The following PTPRD variants were observed in gnomAD, a reference collection of about 807,000 sequenced individuals.
PTPRD encodes the protein receptor-type tyrosine-protein phosphatase delta.
In PTPRD, 34 loss-of-function variants were observed where a neutral mutation model predicts 214.5. The observed-to-expected ratio is 0.16, with a 90% CI of 0.12 to 0.21. PTPRD has a LOEUF of 0.21. PTPRD is among the 10% of genes least tolerant of loss of function. The pLI is 1.00. For missense variants in PTPRD, 2,545 were observed against 2,398.7 expected, an observed-to-expected ratio of 1.06 and a Z score of -1.27; for synonymous variants, 1,128 against 845.7, an observed-to-expected ratio of 1.33 and a Z score of -5.79.
chr9:10,413,777 CAG>C (rs2098460602), intron 2 of PTPRD, among the ~76,000 whole-genome samples: 2 of 151,838 alleles, frequency 1.3e-5, no homozygotes. Flanking sequence ...ACAAATGGAA[CAG>C]ACTAGAAAAC....
intron 3 of PTPRD, among the ~76,000 whole-genome samples, chr9:10,156,440 G>A (rs1019416679): frequency 2.6e-5 from 4 of 152,040 alleles, no homozygotes; most frequent in Non-Finnish European, 5.9e-5. Context: ...GTAACTATGA[G>A]GTTTTCAGTG....
chr9:9,299,151 T>C (rs1954274803), intron 9 of PTPRD, among the ~76,000 whole-genome samples: 1 of 151,864 alleles, frequency 6.6e-6, no homozygotes, highest in Non-Finnish European at 1.5e-5. Context: ...GTAAATCCAA[T>C]AGAATAGCAA....
At chr9:8,804,433 A>AT (rs2096633483) in intron 11 of PTPRD, among the ~76,000 whole-genome samples, 1 of 147,700 alleles carries the variant, frequency 6.8e-6, no homozygotes, top group East Asian at 2.3e-4. Context: ...CTCCGTCTCT[A>AT]CAAAAAAAAA....
intron 10 of PTPRD, among the ~76,000 whole-genome samples, chr9:9,031,023 G>A (rs546012719): frequency 5.9e-5 from 9 of 151,976 alleles, no homozygotes; most frequent in Admixed American, 2.6e-4. Context: ...AGGAGTGAAC[G>A]TACTTAAGAC....
Position 8,486,180 on chromosome 9 carries a change from G to A in PTPRD, c.2637C>T (p.His879=), listed in dbSNP as rs2135959530. The change falls in exon 28 of 46, where the codon CAC becomes CAT. Residue 879 remains histidine (H), a synonymous_variant. Coordinates refer to ENST00000381196, the MANE Select transcript of PTPRD (RefSeq NM_002839.4). ...TTLEFSEKED[H]FTATDIHKGA... ...CCTTGTGGATGTCTGTAGCTGTAAA[G>A]TGATCTTCTTTTTCAGAGAACTCAA... The A allele has an allele frequency of 1.2e-6, 2 of 1,614,184 alleles. No homozygotes were observed. Among genetic ancestry groups the A allele is most frequent in the Non-Finnish European group, 1.7e-6 (2 of 1,180,026 alleles).
chr9:8,453,102 C>A (rs775899802), intron 33 of PTPRD, among the ~76,000 whole-genome samples: 2 of 152,086 alleles, frequency 1.3e-5, no homozygotes, highest in African/African-American at 2.4e-5. Flanking sequence ...AAGAGGATGT[C>A]TAAGTTTTGG....
intron 3 of PTPRD, among the ~76,000 whole-genome samples, chr9:10,287,953 T>G (rs1180132806): frequency 1.3e-5 from 2 of 152,038 alleles, no homozygotes; most frequent in Non-Finnish European, 2.9e-5. Context: ...TATACATATG[T>G]TGCATGATTT....
chr9:9,889,211 T>C (rs1011488275), intron 5 of PTPRD, among the ~76,000 whole-genome samples: 1 of 152,074 alleles, frequency 6.6e-6, no homozygotes, highest in Non-Finnish European at 1.5e-5. Context: ...TGTACTGATA[T>C]ATAATAGTTA....
intron 12 of PTPRD, among the ~76,000 whole-genome samples, chr9:8,717,838 C>T (rs895182007): frequency 4.6e-5 from 7 of 152,166 alleles, no homozygotes; most frequent in East Asian, 1.9e-4. Context: ...TCTCTGTCTC[C>T]GGCACACCTA....
At chr9:9,052,065 G>C (rs564016109) in intron 10 of PTPRD, among the ~76,000 whole-genome samples, 1 of 152,308 alleles carries the variant, frequency 6.6e-6, no homozygotes, top group East Asian at 1.9e-4. Context: ...TGGAGGCTGG[G>C]ATGTTTAAGA....
At chr9:9,260,773 T>A (rs1032451568) in intron 9 of PTPRD, among the ~76,000 whole-genome samples, 2 of 152,006 alleles carry the variant, frequency 1.3e-5, no homozygotes, top group African/African-American at 4.8e-5. Flanking sequence ...ACTTTTCATG[T>A]ACTCACTGAC....
chr9:8,519,683 A>G (rs1451449824), intron 20 of PTPRD, among the ~76,000 whole-genome samples: 1 of 152,164 alleles, frequency 6.6e-6, no homozygotes, highest in Non-Finnish European at 1.5e-5. Context: ...TAACTGAATA[A>G]ATGAGTCAGC....
intron 5 of PTPRD, among the ~76,000 whole-genome samples, chr9:9,767,998 T>C (rs1234682724): frequency 6.6e-6 from 1 of 152,172 alleles, no homozygotes; most frequent in Admixed American, 6.5e-5. Flanking sequence ...CAGCACAAAA[T>C]ACAAGTGCAT....
At chr9:8,802,961 G>C (rs2096601504) in intron 11 of PTPRD, among the ~76,000 whole-genome samples, 1 of 152,112 alleles carries the variant, frequency 6.6e-6, no homozygotes, top group Non-Finnish European at 1.5e-5. Flanking sequence ...CTGAGGTTAG[G>C]AGGATCACTT....
intron 9 of PTPRD, among the ~76,000 whole-genome samples, chr9:9,328,618 CTTTTTTTTTTTTTTTTTTTTTTTT>C (rs869076374): frequency 0.023 from 654 of 28,234 alleles, 18 homozygotes; most frequent in Non-Finnish European, 0.034. Context: ...GTTGTTCTTG[CTTTTTTTTTTTTTTTTTTTTTTTT>C]TTTTTTTTTT....
At chr9:10,254,088 C>T (rs1055335211) in intron 3 of PTPRD, among the ~76,000 whole-genome samples, 1 of 152,190 alleles carries the variant, frequency 6.6e-6, no homozygotes, top group African/African-American at 2.4e-5. Context: ...AGCTATCTAG[C>T]TAATCATCAT....
intron 2 of PTPRD, among the ~76,000 whole-genome samples, chr9:10,602,524 G>C (rs2078246012): frequency 6.6e-6 from 1 of 151,724 alleles, no homozygotes; most frequent in African/African-American, 2.4e-5. Flanking sequence ...CAGGTGAGCA[G>C]CCATGCTAGA....
chr9:9,621,101 G>A (rs2095216455), intron 7 of PTPRD, among the ~76,000 whole-genome samples: 1 of 152,136 alleles, frequency 6.6e-6, no homozygotes, highest in Non-Finnish European at 1.5e-5. Flanking sequence ...ATTAATTCCT[G>A]TGGAAGTACT....
chr9:10,477,638 C>A (rs1231333565), intron 2 of PTPRD, among the ~76,000 whole-genome samples: 1 of 152,054 alleles, frequency 6.6e-6, no homozygotes, highest in Non-Finnish European at 1.5e-5. Flanking sequence ...TGGGTATATA[C>A]CCAAAGGATT....
Sources: gnomAD v4.1 joint callset for allele counts (sites outside exome capture counted in the v4.1 genomes callset) on GRCh38, gnomAD v4.1.1 for gene constraint, MANE v1.5 for transcripts, NCBI Gene and HGNC (gene_info 2026-07-23, HGNC 2026-07-21) for gene names.